ERICH3: variants seen among roughly 807,000 people sequenced by gnomAD.
ERICH3 encodes the protein glutamate-rich protein 3.
In ERICH3, 126 loss-of-function variants were observed where a neutral mutation model predicts 131.1. The ratio of observed to expected loss-of-function variants is 0.96; its 90% CI spans 0.83 to 1.11. The LOEUF is 1.11. ERICH3 is among the 50% of genes most tolerant of loss of function. ERICH3 has a pLI of 0.00. For synonymous variants in ERICH3, 695 were observed against 644.6 expected, an observed-to-expected ratio of 1.08 and a Z score of -1.18; for missense variants, 2,050 against 1,810.7, an observed-to-expected ratio of 1.13 and a Z score of -2.40.
chr1:74,670,300 C>T (rs1235547452), intron 1 of ERICH3, among the ~76,000 whole-genome samples: 1 of 152,018 alleles, frequency 6.6e-6, no homozygotes, highest in African/African-American at 2.4e-5. Flanking sequence ...TATATTTAGG[C>T]TCCTGCACAT....
intron 12 of ERICH3, among the ~76,000 whole-genome samples, chr1:74,580,760 C>T (rs1272505328): frequency 6.6e-6 from 1 of 152,118 alleles, no homozygotes; most frequent in Non-Finnish European, 1.5e-5. Flanking sequence ...TTACAGACAT[C>T]AATCATTTTT....
chr1:74,606,851 C>G lies in ERICH3; in HGVS notation c.1239G>C (p.Arg413Ser). Residue 413 changes from arginine (R) to serine (S), a missense_variant, in exon 10 of 15, where the codon AGG (arginine) becomes AGC (serine). Physicochemically the swap from Arg to Ser is moderately radical, Grantham distance 110. Transcript: ENST00000326665. ...CTCCTTTCTCAGTGCTCTTTTCTTTCCTAGATTTCGGCAAAGACGGTTTTT... is the reference window on the plus strand; with the variant it reads ...CTCCTTTCTCAGTGCTCTTTTCTTTGCTAGATTTCGGCAAAGACGGTTTTT... ...LDKKPSLPKS[R>S]KEKSTEKGEE... 6.2e-7 allele frequency: 1 copy of G among 1,612,378 alleles called. No homozygotes were observed.
intron 1 of ERICH3, among the ~76,000 whole-genome samples, chr1:74,660,188 G>A (rs1160647813): frequency 3.9e-5 from 6 of 151,970 alleles, no homozygotes; most frequent in Non-Finnish European, 8.8e-5. Context: ...CACCATGTGA[G>A]GAAGGACATG....
At chr1:74,672,386 C>A (rs1453198124) in intron 1 of ERICH3, among the ~76,000 whole-genome samples, 1 of 152,182 alleles carries the variant, frequency 6.6e-6, no homozygotes, top group Non-Finnish European at 1.5e-5. Flanking sequence ...ATAGCTATAT[C>A]ACTTTTCTAA....
intron 1 of ERICH3, among the ~76,000 whole-genome samples, chr1:74,663,697 T>C (rs970705548): frequency 1.3e-5 from 2 of 150,712 alleles, no homozygotes; most frequent in African/African-American, 4.9e-5. Flanking sequence ...TTGATAAGAA[T>C]ATAATGCCTG....
chr1:74,616,150 C>T (rs1041907814), intron 8 of ERICH3, among the ~76,000 whole-genome samples: 2 of 151,980 alleles, frequency 1.3e-5, no homozygotes, highest in Non-Finnish European at 1.5e-5. Flanking sequence ...TACAGGCACA[C>T]ACCACCATGG....
chr1:74,653,421 GAGAGAGAGAGAGAGAGAGGAGAA>G (rs1391317845), intron 1 of ERICH3, among the ~76,000 whole-genome samples: 1 of 143,602 alleles, frequency 7.0e-6, no homozygotes, highest in Non-Finnish European at 1.5e-5. Flanking sequence ...GAGAGAGAAC[GAGAGAGAGAGAGAGAGAGGAGAA>G]AGAGAGAGAG....
intron 12 of ERICH3, among the ~76,000 whole-genome samples, chr1:74,583,080 T>G (rs1041707962): frequency 2.6e-5 from 4 of 152,176 alleles, no homozygotes; most frequent in Non-Finnish European, 4.4e-5. Context: ...GTCCTGTAGT[T>G]GCCAGTTCTC....
chr1:74,588,872 C>T (rs1052509191), intron 12 of ERICH3, among the ~76,000 whole-genome samples: 1 of 152,168 alleles, frequency 6.6e-6, no homozygotes, highest in Non-Finnish European at 1.5e-5. Context: ...CAATCTTACA[C>T]ACCCAGGAGC....
chr1:74,666,925 T>A (rs1333866651), intron 1 of ERICH3, among the ~76,000 whole-genome samples: 2 of 152,124 alleles, frequency 1.3e-5, no homozygotes, highest in African/African-American at 4.8e-5. Flanking sequence ...AAAGGAAACA[T>A]CAAAATGCAG....
At chr1:74,649,367 C>T (rs1037143093) in intron 1 of ERICH3, 52 bp from the exon 2 acceptor site, 5 of 1,401,478 alleles carry the variant, frequency 3.6e-6, no homozygotes, top group Non-Finnish European at 5.0e-6. Context: ...TGTTTGATAA[C>T]CAAGGCAATT....
At chr1:74,607,578 C>T (rs1337930718) in intron 9 of ERICH3, among the ~76,000 whole-genome samples, 1 of 151,750 alleles carries the variant, frequency 6.6e-6, no homozygotes, top group Non-Finnish European at 1.5e-5. Context: ...TTTAGAATGG[C>T]CTTTTGAAGT....
intron 1 of ERICH3, among the ~76,000 whole-genome samples, chr1:74,664,513 T>C (rs1038501718): frequency 5.3e-5 from 8 of 152,110 alleles, no homozygotes; most frequent in African/African-American, 1.9e-4. Context: ...AATATTACAA[T>C]CCATGGCATA....
At chr1:74,597,443 G>C (rs2100573771) in intron 11 of ERICH3, among the ~76,000 whole-genome samples, 1 of 152,068 alleles carries the variant, frequency 6.6e-6, no homozygotes, top group East Asian at 1.9e-4. Context: ...AAAGAAAATA[G>C]CTAGCCAATT....
chr1:74,638,116 A>G (rs964141108), intron 5 of ERICH3, among the ~76,000 whole-genome samples: 4 of 152,180 alleles, frequency 2.6e-5, no homozygotes, highest in African/African-American at 9.6e-5. Context: ...ACAAATATTC[A>G]GCTCTGGAAA....
At position 74,573,076 on chromosome 1, in the gene ERICH3, C is replaced by G. The variant is rs770983302; in HGVS notation, c.2634G>C (p.Lys878Asn). 6.2e-7 allele frequency: 1 copy of G among 1,614,168 alleles called. No homozygotes were observed. Among genetic ancestry groups the G allele is most frequent in the South Asian group, 1.1e-5 (1 of 91,090 alleles). The change falls in exon 14 of 15, where the codon AAG (lysine) becomes AAC (asparagine). Residue 878 changes from lysine (K) to asparagine (N), a missense_variant. Transcript: ENST00000326665. ...CAAGCACTGTGAGCATCAAGGCTTG[C>G]TTTTCAGGAGCCTCATCTTTACTCA... ...VGLSKDEAPE[K>N]QALMLTVLET...
intron 11 of ERICH3, among the ~76,000 whole-genome samples, chr1:74,593,633 T>C (rs1476437421): frequency 2.0e-5 from 3 of 152,156 alleles, no homozygotes; most frequent in Admixed American, 6.6e-5. Context: ...TATTGAGTGA[T>C]ATCACAGCTA....
At chr1:74,662,844 T>C (rs772695041) in intron 1 of ERICH3, among the ~76,000 whole-genome samples, 28 of 152,130 alleles carry the variant, frequency 1.8e-4, no homozygotes, top group Non-Finnish European at 1.9e-4. Context: ...TAAAGAGTGC[T>C]TTTTACTATT....
chr1:74,630,526 C>G (rs924282856), intron 7 of ERICH3, among the ~76,000 whole-genome samples: 2 of 152,162 alleles, frequency 1.3e-5, no homozygotes, highest in Non-Finnish European at 2.9e-5. Context: ...CCTAGAATTA[C>G]AGCTGACCAT....
Sources: allele counts gnomAD v4.1 joint callset (sites outside exome capture counted in the v4.1 genomes callset), GRCh38; gene constraint gnomAD v4.1.1; transcripts MANE v1.5; gene names NCBI Gene and HGNC (gene_info 2026-07-23, HGNC 2026-07-21).